BAZ1A: variants seen among roughly 807,000 people sequenced by gnomAD.
BAZ1A encodes the protein bromodomain adjacent to zinc finger domain 1A.
In BAZ1A, 50 loss-of-function variants were observed where a neutral mutation model predicts 185.2. The observed-to-expected ratio is 0.27, with a 90% CI of 0.22 to 0.34. The LOEUF is 0.34. Among genes scored for constraint, BAZ1A ranks in the 10% least tolerant of loss-of-function variants. The pLI, the probability that BAZ1A is intolerant of heterozygous loss-of-function variation, is 1.00. For missense variants in BAZ1A, 1,356 were observed against 1,839.9 expected (o/e 0.74, Z 4.81); for synonymous variants, 571 against 615.6 (o/e 0.93, Z 1.07).
intron 6 of BAZ1A, among the ~76,000 whole-genome samples, chr14:34,803,903 G>A (rs1393409101): frequency 2.6e-5 from 4 of 152,114 alleles, no homozygotes; most frequent in Non-Finnish European, 5.9e-5. Flanking sequence ...ACTCATTCTT[G>A]CCAGAAATGG....
chr14:34,801,068 CT>C (rs1488767845), intron 8 of BAZ1A, 25 bp downstream of exon 8: 3 of 1,495,336 alleles, frequency 2.0e-6, no homozygotes, highest in South Asian at 2.5e-5. Flanking sequence ...TCCTAATTAG[CT>C]TTTGGAAACA....
intron 21 of BAZ1A, among the ~76,000 whole-genome samples, chr14:34,770,116 T>C (rs188238913): frequency 7.0e-4 from 106 of 152,334 alleles, no homozygotes; most frequent in African/African-American, 2.3e-3. Context: ...GATTGCACTA[T>C]GAAAACTTTG....
Position 34,874,792 on chromosome 14 carries a change from C to T in BAZ1A, c.-58-130G>A, listed in dbSNP as rs1454670067. The T allele has an allele frequency of 1.9e-6, 1 of 515,934 alleles. No homozygotes were observed. The highest frequency in any genetic ancestry group is 4.1e-5 in the Admixed American group (1 of 24,534). 32.0% of individuals were successfully genotyped at this position (515,934 alleles called of 1,614,324 possible). ...TGACGCGCCGCGGCCGCTACCGGAGCCGAGTTCGTTCCTGCCGCTGCCCGG... is the reference window on the plus strand; with the variant it reads ...TGACGCGCCGCGGCCGCTACCGGAGTCGAGTTCGTTCCTGCCGCTGCCCGG... On this transcript the variant is annotated intron_variant, in intron 1 of 26. Coordinates refer to ENST00000360310, the MANE Select transcript of BAZ1A (RefSeq NM_013448.3). This position sits in a 1 kb window ranked among gnomAD's most constrained non-coding sequence, Gnocchi z 4.7.
chr14:34,788,906 T>G (rs890335578), intron 12 of BAZ1A, among the ~76,000 whole-genome samples: 2 of 152,136 alleles, frequency 1.3e-5, no homozygotes, highest in Admixed American at 1.3e-4. Flanking sequence ...AAAATTAACC[T>G]TAGAGAACAG....
At chr14:34,786,031 T>C (rs769882146) in intron 13 of BAZ1A, 30 bp from the exon 14 acceptor site, 8 of 1,605,138 alleles carry the variant, frequency 5.0e-6, no homozygotes, top group African/African-American at 1.3e-5. Context: ...AATAGTCATT[T>C]AGAATATAAA....
chr14:34,872,363 A>C (rs1168448676), intron 2 of BAZ1A, among the ~76,000 whole-genome samples: 1 of 152,200 alleles, frequency 6.6e-6, no homozygotes, highest in Non-Finnish European at 1.5e-5. Context: ...TTGGGAGACC[A>C]AGGCAGGCAG....
At chr14:34,791,948 A>T (rs1880872638) in intron 12 of BAZ1A, among the ~76,000 whole-genome samples, 1 of 152,262 alleles carries the variant, frequency 6.6e-6, no homozygotes, top group African/African-American at 2.4e-5. Context: ...CTGACTCCAG[A>T]TATTTAAGCG....
intron 12 of BAZ1A, among the ~76,000 whole-genome samples, chr14:34,787,216 G>T (rs1334811527): frequency 6.6e-6 from 1 of 151,168 alleles, no homozygotes; most frequent in Non-Finnish European, 1.5e-5. Context: ...AGCTGGGTGT[G>T]GTGGCGCATG....
At chr14:34,860,549 A>C (rs543992006) in intron 3 of BAZ1A, among the ~76,000 whole-genome samples, 14 of 151,178 alleles carry the variant, frequency 9.3e-5, no homozygotes, top group East Asian at 1.9e-4. Context: ...AAAAAAAAAA[A>C]CAAAAACAAA....
intron 21 of BAZ1A, among the ~76,000 whole-genome samples, chr14:34,769,867 A>C (rs1320558910): frequency 1.3e-5 from 2 of 152,232 alleles, no homozygotes; most frequent in African/African-American, 4.8e-5. Flanking sequence ...GAAAATCCTA[A>C]GAAATACTGA....
intron 9 of BAZ1A, 53 bp downstream of exon 9, chr14:34,800,171 T>A (rs1416999265): frequency 2.4e-6 from 3 of 1,244,290 alleles, no homozygotes; most frequent in Admixed American, 3.0e-5. Flanking sequence ...TGTAGATATG[T>A]AAAGTAGTAT....
chr14:34,820,097 T>C (rs1407526278), intron 4 of BAZ1A, among the ~76,000 whole-genome samples: 1 of 151,634 alleles, frequency 6.6e-6, no homozygotes, highest in Non-Finnish European at 1.5e-5. Flanking sequence ...TTCAGATCTT[T>C]TGCCATTTTT....
At chr14:34,791,127 AAGAAAAGAAAAGAGAAG>A (rs1880814769) in intron 12 of BAZ1A, among the ~76,000 whole-genome samples, 1 of 110,896 alleles carries the variant, frequency 9.0e-6, no homozygotes, top group Non-Finnish European at 2.0e-5. Context: ...TGTCTCAAAA[AAGAAAAGAAAAGAGAAG>A]AGAAAAGAGA....
intron 14 of BAZ1A, among the ~76,000 whole-genome samples, chr14:34,784,367 C>CCAAA (rs1225939081): frequency 0.024 from 1,856 of 77,118 alleles, 252 homozygotes; most frequent in Admixed American, 0.045. Flanking sequence ...GACTCTGTCT[C>CCAAA]AAAAAAAAAA....
At chr14:34,819,763 A>G (rs2042059119) in intron 4 of BAZ1A, among the ~76,000 whole-genome samples, 1 of 152,194 alleles carries the variant, frequency 6.6e-6, no homozygotes, top group Non-Finnish European at 1.5e-5. Flanking sequence ...GTGAATGTAA[A>G]GTTTCCAATT....
chr14:34,783,193 T>C lies in BAZ1A; in HGVS notation c.2037A>G (p.Glu679=). 3 of 1,600,342 alleles carry C rather than the reference T, an allele frequency of 1.9e-6. No homozygotes were observed. The highest frequency in any genetic ancestry group is 2.6e-6 in the Non-Finnish European group (3 of 1,172,002). ...TTTCTTGTTTCTCTTTCATTTTTTG[T>C]TCTTGCTCCTTAAGTTTTTCTTCCT... The part of the protein sequence containing the change: ...KRKEEKLKEQ[E]QKMKEKQEKL... The change falls in exon 16 of 27, where the codon GAA becomes GAG. Residue 679 remains glutamate, a synonymous_variant. Coordinates refer to ENST00000360310, the MANE Select transcript of BAZ1A (RefSeq NM_013448.3).
intron 23 of BAZ1A, among the ~76,000 whole-genome samples, chr14:34,763,698 A>AT (rs770139807): frequency 1.3e-5 from 2 of 152,156 alleles, no homozygotes; most frequent in Non-Finnish European, 2.9e-5. Context: ...GCATGAGCTC[A>AT]TTTTTTATCT....
At chr14:34,872,237 T>TA (rs2042959986) in intron 2 of BAZ1A, among the ~76,000 whole-genome samples, 1 of 151,980 alleles carries the variant, frequency 6.6e-6, no homozygotes, top group Non-Finnish European at 1.5e-5. Flanking sequence ...AAATTGAAAA[T>TA]AAAAACCTAG....
intron 4 of BAZ1A, 99 bp from the exon 5 acceptor site, chr14:34,811,135 CA>C: frequency 3.5e-6 from 3 of 869,558 alleles, no homozygotes; most frequent in Non-Finnish European, 5.2e-6. Context: ...AATAAAATCA[CA>C]TATTTCAAAA....
Sources: gnomAD v4.1 joint callset for allele counts (sites outside exome capture counted in the v4.1 genomes callset) on GRCh38, gnomAD v4.1.1 for gene constraint, Gnocchi (gnomAD v3.1) non-coding constraint, MANE v1.5 for transcripts, NCBI Gene and HGNC (gene_info 2026-07-23, HGNC 2026-07-21) for gene names.